Variants in ARHGAP25 observed in about 807,000 individuals in gnomAD.
The protein encoded by ARHGAP25 is Rho GTPase activating protein 25.
A neutral mutation model predicts 71.0 loss-of-function variants in ARHGAP25; 34 were observed. The ratio of observed to expected loss-of-function variants is 0.48; its 90% CI spans 0.36 to 0.64. The LOEUF is 0.64. Among genes scored for constraint, ARHGAP25 ranks in the 30% least tolerant of loss-of-function variants. The pLI is 0.00. For missense variants in ARHGAP25, 706 were observed against 805.1 expected, an observed-to-expected ratio of 0.88 and a Z score of 1.49; for synonymous variants, 282 against 296.5, an observed-to-expected ratio of 0.95 and a Z score of 0.50.
At chr2:68,749,183 C>A (rs1209893180) in intron 1 of ARHGAP25, among the ~76,000 whole-genome samples, 1 of 151,996 alleles carries the variant, frequency 6.6e-6, no homozygotes, top group African/African-American at 2.4e-5. Context: ...TTACATTGGG[C>A]CCTATGCTTA....
Position 68,784,054 on chromosome 2 carries a change from A to G in ARHGAP25, c.349+1734A>G, listed in dbSNP as rs72899830. Among the ~76,000 whole-genome samples the G allele has an allele frequency of 9.1e-3, 1,387 of 152,254 alleles. 19 individuals carry two copies. Among genetic ancestry groups the G allele is most frequent in the African/African-American group, 0.032 (1,319 of 41,532 alleles). ...AATACCTACTCTTCAACATTGCTAT[A>G]CCAGTGCAGGAGGAAGGTTTGTTCT... On this transcript the variant is annotated intron_variant, in intron 3 of 10. Coordinates refer to ENST00000409202, the MANE Select transcript of ARHGAP25 (RefSeq NM_001007231.3).
At chr2:68,819,807 A>G (rs534268023) in intron 9 of ARHGAP25, 2 of 287,876 alleles carry the variant, frequency 6.9e-6, no homozygotes, top group East Asian at 1.2e-4. Context: ...CAGCCCCCAC[A>G]TTTGTGCTGA....
intron 5 of ARHGAP25, among the ~76,000 whole-genome samples, chr2:68,811,647 G>T (rs1309818625): frequency 4.4e-5 from 1 of 22,516 alleles, no homozygotes; most frequent in East Asian, 4.8e-3. Flanking sequence ...CTGCAAAGGG[G>T]AAGCCTTTTC....
chr2:68,777,881 C>T (rs973574828), intron 2 of ARHGAP25, among the ~76,000 whole-genome samples: 2 of 152,168 alleles, frequency 1.3e-5, no homozygotes, highest in Admixed American at 6.5e-5. Flanking sequence ...ATCCCCTCCA[C>T]TTTCAGCCTT....
At chr2:68,721,114 T>C (rs540208657) in intron 2 of ARHGAP25, among the ~76,000 whole-genome samples, 2 of 152,236 alleles carry the variant, frequency 1.3e-5, no homozygotes, top group Admixed American at 6.5e-5. Flanking sequence ...GAAATAGTTA[T>C]GTTTCAAATA....
intron 1 of ARHGAP25, among the ~76,000 whole-genome samples, chr2:68,769,196 C>G (rs1174501867): frequency 1.3e-5 from 2 of 152,136 alleles, no homozygotes; most frequent in African/African-American, 4.8e-5. Context: ...TACCATCTCT[C>G]TCCCTCTTTT....
chr2:68,785,038 T>A (rs930911034), intron 3 of ARHGAP25, among the ~76,000 whole-genome samples: 2 of 152,142 alleles, frequency 1.3e-5, no homozygotes, highest in African/African-American at 4.8e-5. Context: ...AAATTGCCAG[T>A]ACAAAGTCTC....
intron 2 of ARHGAP25, among the ~76,000 whole-genome samples, chr2:68,719,175 C>A (rs1031212655): frequency 1.3e-5 from 2 of 152,114 alleles, no homozygotes; most frequent in Non-Finnish European, 2.9e-5. Flanking sequence ...CAATAAGTGT[C>A]TCCCTGAGTT....
At position 68,784,849 on chromosome 2, in the gene ARHGAP25, A is replaced by C. The variant is rs555319914; in HGVS notation, c.349+2529A>C. Among the ~76,000 whole-genome samples the C allele has an allele frequency of 4.6e-5, 7 of 152,326 alleles. No individual in the cohort carries two copies. In the South Asian group the frequency reaches 1.2e-3, roughly 27 times the overall value. On this transcript the variant is annotated intron_variant, in intron 3 of 10. Transcript: ENST00000409202. ...TATGTAGTTTTTCTGATAGGATAGCAATTATGGGGAAAATTAAACCAAAGA... is the reference window on the plus strand; with the variant it reads ...TATGTAGTTTTTCTGATAGGATAGCCATTATGGGGAAAATTAAACCAAAGA...
intron 4 of ARHGAP25, among the ~76,000 whole-genome samples, chr2:68,789,434 A>G (rs538336618): frequency 1.3e-5 from 2 of 152,366 alleles, no homozygotes; most frequent in African/African-American, 4.8e-5. Flanking sequence ...CTGGTTAGAT[A>G]CATTAGCTTC....
At chr2:68,773,972 A>G (rs1340853788) in intron 1 of ARHGAP25, among the ~76,000 whole-genome samples, 4 of 152,220 alleles carry the variant, frequency 2.6e-5, no homozygotes, top group Admixed American at 1.3e-4. Flanking sequence ...AGAGAAGCAT[A>G]ATTTATCCAC....
intron 4 of ARHGAP25, among the ~76,000 whole-genome samples, chr2:68,804,305 G>A (rs1392895556): frequency 6.6e-6 from 1 of 152,174 alleles, no homozygotes; most frequent in Non-Finnish European, 1.5e-5. Context: ...TCCCCATCAA[G>A]TCCAGTGGAC....
chr2:68,813,351 G>A lies in ARHGAP25; in HGVS notation c.739G>A (p.Val247Met), dbSNP rs761893650. The stretch of plus-strand genomic sequence containing the variant: ...CTACCTCCGAGACCTCCCAGAGCCC[G>A]TGGTTCCCTGGAGCCAGTACGAAGG... ...KLYLRDLPEP[V>M]VPWSQYEGFL... The change falls in exon 6 of 11, where the codon GTG (valine) becomes ATG (methionine). Residue 247 changes from valine (V) to methionine (M), a missense_variant. Coordinates refer to ENST00000409202, the MANE Select transcript of ARHGAP25 (RefSeq NM_001007231.3). 1.9e-6 allele frequency: 3 copies of A among 1,613,820 alleles called. No individual in the cohort carries two copies. The highest frequency in any genetic ancestry group is 2.2e-5 in the South Asian group (2 of 91,048).
chr2:68,822,571 A>G lies in ARHGAP25; in HGVS notation c.1432A>G (p.Lys478Glu), dbSNP rs761861272. 5.6e-6 allele frequency: 9 copies of G among 1,614,082 alleles called. No individual in the cohort carries two copies. Among genetic ancestry groups the G allele is most frequent in the African/African-American group, 2.7e-5 (2 of 74,934 alleles). The change falls in exon 10 of 11, where the codon AAG (lysine) becomes GAG (glutamate). Residue 478 changes from lysine (K) to glutamate (E), a missense_variant. Coordinates refer to ENST00000409202, the MANE Select transcript of ARHGAP25 (RefSeq NM_001007231.3). ...ATTCTGGTCGCCTTCCTCAGAGGCT[A>G]AGGCAGGGGAAGGGCACAGGAGAAC... is the stretch of plus-strand genomic sequence containing the variant. ...NEFWSPSSEA[K>E]AGEGHRRTMS...
rs986666133 is a variant in ARHGAP25, at chr2:68,825,723, C to T, written c.1734-264C>T. Among the ~76,000 whole-genome samples, 12 of 151,922 alleles carry T rather than the reference C, an allele frequency of 7.9e-5. 1 individual carries two copies. Among genetic ancestry groups the T allele is most frequent in the Admixed American group, 3.9e-4 (6 of 15,254 alleles). ...CTGGGAGGCGGAGCTTGCAGTGAGC[C>T]GAGATCGCGTCACTGCACTCCATCC... On this transcript the variant is annotated intron_variant, in intron 10 of 10. Transcript: ENST00000409202.
rs570800645 is a variant in ARHGAP25, at chr2:68,814,709, C to G, written c.807+1290C>G. The stretch of plus-strand genomic sequence containing the variant: ...AACACAGCTGTGAGAACTTCCATCC[C>G]TGACTAAGGGTGGGGAGAGCATCAT... On this transcript the variant is annotated intron_variant, in intron 6 of 10. Transcript: ENST00000409202. Among the ~76,000 whole-genome samples the G allele has an allele frequency of 2.6e-5, 4 of 152,288 alleles. No individual in the cohort carries two copies. In the South Asian group the frequency reaches 8.3e-4, roughly 32 times the overall value.
At chr2:68,726,219 G>T (rs1486349878) in intron 2 of ARHGAP25, among the ~76,000 whole-genome samples, 2 of 152,180 alleles carry the variant, frequency 1.3e-5, no homozygotes, top group Non-Finnish European at 2.9e-5. Context: ...ATCCCTAATA[G>T]GTGAACGGTT....
chr2:68,731,759 T>G (rs1334177098), upstream of ARHGAP25, among the ~76,000 whole-genome samples: 2 of 152,058 alleles, frequency 1.3e-5, no homozygotes, highest in African/African-American at 4.8e-5. Context: ...AAAAGACACT[T>G]CTTCCAGGAA....
chr2:68,747,888 C>CT (rs145354150), intron 1 of ARHGAP25, among the ~76,000 whole-genome samples: 4,137 of 152,296 alleles, frequency 0.027, 213 homozygotes, highest in African/African-American at 0.095. Context: ...ATCTCCAATG[C>CT]TGTAAACACT....
Sources: allele counts gnomAD v4.1 joint callset (sites outside exome capture counted in the v4.1 genomes callset), GRCh38; gene constraint gnomAD v4.1.1; transcripts MANE v1.5; gene names NCBI Gene and HGNC (gene_info 2026-07-23, HGNC 2026-07-21).